Variants in CCDC192 observed in about 807,000 individuals in gnomAD.
CCDC192 encodes the protein coiled-coil domain containing 192.
intron 5 of CCDC192, among the ~76,000 whole-genome samples, chr5:127,831,688 T>C (rs1160464522): frequency 6.6e-6 from 1 of 152,142 alleles, no homozygotes; most frequent in African/African-American, 2.4e-5. Context: ...TCAACTATTA[T>C]AGCATATTCA....
At chr5:127,783,785 A>G (rs1756380860) in intron 3 of CCDC192, among the ~76,000 whole-genome samples, 1 of 152,124 alleles carries the variant, frequency 6.6e-6, no homozygotes, top group Non-Finnish European at 1.5e-5. Context: ...TTAGGTCTAT[A>G]AGTAATTGTT....
intron 5 of CCDC192, among the ~76,000 whole-genome samples, chr5:127,815,471 A>G (rs150533287): frequency 4.6e-5 from 7 of 152,290 alleles, no homozygotes; most frequent in Middle Eastern, 3.4e-3. Flanking sequence ...CATGATTTCT[A>G]TAAATTCACA....
intron 2 of CCDC192, among the ~76,000 whole-genome samples, chr5:127,713,936 C>G (rs935146153): frequency 1.3e-5 from 2 of 152,216 alleles, no homozygotes; most frequent in African/African-American, 2.4e-5. Context: ...CAGTGGAACA[C>G]TAGAACTTAT....
chr5:127,797,322 T>A (rs533556167), intron 4 of CCDC192, 88 bp downstream of exon 4: 1 of 385,344 alleles, frequency 2.6e-6, no homozygotes, highest in East Asian at 3.7e-5. Context: ...TCAGTCTGGA[T>A]TAAAAGTCGT....
intron 3 of CCDC192, among the ~76,000 whole-genome samples, chr5:127,771,125 A>C: frequency 6.6e-6 from 1 of 152,236 alleles, no homozygotes; most frequent in East Asian, 1.9e-4. Context: ...TGGAAGATGA[A>C]GTGCCTTACT....
At chr5:127,713,265 G>A (rs1751441985) in intron 2 of CCDC192, among the ~76,000 whole-genome samples, 1 of 151,888 alleles carries the variant, frequency 6.6e-6, no homozygotes, top group Non-Finnish European at 1.5e-5. Context: ...CGTTCTAATA[G>A]GCTTAGTTAT....
chr5:127,720,117 T>G (rs1411131490), intron 2 of CCDC192, among the ~76,000 whole-genome samples: 1 of 152,138 alleles, frequency 6.6e-6, no homozygotes, highest in Non-Finnish European at 1.5e-5. Context: ...CAGCATTAAC[T>G]CAAAAGTCTA....
At chr5:127,704,879 A>C (rs572886222) in intron 1 of CCDC192, among the ~76,000 whole-genome samples, 262 of 133,042 alleles carry the variant, frequency 2.0e-3, no homozygotes, top group African/African-American at 7.1e-3. Context: ...ATAAATAAAT[A>C]AATAAATCAT....
At chr5:127,863,800 A>G (rs143946781) in intron 5 of CCDC192, among the ~76,000 whole-genome samples, 64 of 152,380 alleles carry the variant, frequency 4.2e-4, no homozygotes, top group African/African-American at 1.4e-3. Context: ...TTGTTAGTTT[A>G]GATAAGGCAC....
chr5:127,897,484 A>C (rs538740116), intron 6 of CCDC192, among the ~76,000 whole-genome samples: 1 of 152,354 alleles, frequency 6.6e-6, no homozygotes, highest in Non-Finnish European at 1.5e-5. Context: ...TCGGGTTCTA[A>C]GTGCTTATGA....
At position 127,810,326 on chromosome 5, in the gene CCDC192, TG is replaced by T. The variant is rs561256209; in HGVS notation, c.411+12168del. Among the ~76,000 whole-genome samples the T allele has an allele frequency of 1.3e-3, 194 of 152,326 alleles. 1 individual carries two copies. The highest frequency in any genetic ancestry group is 4.4e-3 in the African/African-American group (185 of 41,578). On this transcript the variant is annotated intron_variant, in intron 5 of 6. Transcript: ENST00000514853. ...CAGCATGTAGGATCCAAGGTCATTT[TG>T]GGGTCATCTCTATCCCAATTGGCCA...
rs981681527 is a variant in CCDC192 at position 127,722,256 on chromosome 5, T to A, written c.114+14496T>A. On this transcript the variant is annotated intron_variant, in intron 2 of 6. Transcript: ENST00000514853. ...TTCGTATGGCTGTTTGCCATTTGTA[T>A]GTCTTCTTTTGAGGAATGTCTTTTA... Among the ~76,000 whole-genome samples, 51 of 152,210 alleles carry A rather than the reference T, an allele frequency of 3.4e-4. 1 individual carries two copies. Among genetic ancestry groups the A allele is most frequent in the Non-Finnish European group, 1.9e-4 (13 of 68,024 alleles).
intron 5 of CCDC192, among the ~76,000 whole-genome samples, chr5:127,820,679 T>C (rs1434999927): frequency 6.6e-6 from 1 of 152,230 alleles, no homozygotes; most frequent in Non-Finnish European, 1.5e-5. Flanking sequence ...CTTTCTACAC[T>C]CTATAACATA....
intron 3 of CCDC192, among the ~76,000 whole-genome samples, chr5:127,780,214 G>A (rs190391447): frequency 1.8e-3 from 269 of 152,044 alleles, no homozygotes; most frequent in African/African-American, 6.2e-3. Flanking sequence ...CTCATTGATT[G>A]ATGAGCATTT....
chr5:127,744,042 C>A (rs897978078), intron 2 of CCDC192, among the ~76,000 whole-genome samples: 1 of 144,042 alleles, frequency 6.9e-6, no homozygotes, highest in Non-Finnish European at 1.5e-5. Context: ...TGCAGTGAGC[C>A]GAGGTTGCGC....
At chr5:127,901,222 A>C (rs557340023) in intron 6 of CCDC192, among the ~76,000 whole-genome samples, 3 of 152,354 alleles carry the variant, frequency 2.0e-5, no homozygotes, top group East Asian at 3.9e-4. Flanking sequence ...GTTTCACTGA[A>C]ATATTCTTAA....
intron 2 of CCDC192, among the ~76,000 whole-genome samples, chr5:127,734,974 T>C (rs1752884293): frequency 1.4e-5 from 2 of 145,260 alleles, no homozygotes; most frequent in Admixed American, 6.9e-5. Flanking sequence ...GCCATTGCTT[T>C]TGGTGTTTTA....
intron 5 of CCDC192, among the ~76,000 whole-genome samples, chr5:127,862,501 C>A (rs1659822784): frequency 2.0e-5 from 3 of 152,212 alleles, no homozygotes; most frequent in Admixed American, 1.3e-4. Context: ...AACCAGAAAG[C>A]CTAAAAGCCA....
chr5:127,799,841 G>A (rs760832590), intron 5 of CCDC192, among the ~76,000 whole-genome samples: 8 of 152,060 alleles, frequency 5.3e-5, no homozygotes, highest in Non-Finnish European at 8.8e-5. Context: ...CAACATTCAG[G>A]TTTCAATACA....
Sources: gnomAD v4.1 joint callset for allele counts (sites outside exome capture counted in the v4.1 genomes callset) on GRCh38, gnomAD v4.1.1 for gene constraint, MANE v1.5 for transcripts, NCBI Gene and HGNC (gene_info 2026-07-23, HGNC 2026-07-21) for gene names.